Variants in SLC18A2 observed in about 807,000 individuals in gnomAD.
SLC18A2 encodes solute carrier family 18 member A2, also known as synaptic vesicular amine transporter.
SLC18A2 carries 33 observed loss-of-function variants against 59.2 expected under a neutral mutation model. The observed-to-expected ratio is 0.56, with a 90% CI of 0.42 to 0.75. The LOEUF is 0.75. Ranked by LOEUF, SLC18A2 falls within the 30% of genes least tolerant of loss-of-function variation. The probability of loss-of-function intolerance (pLI) is 0.00; values close to 1 mark genes in which losing one functional copy is unlikely to be tolerated. For missense variants in SLC18A2, 569 were observed against 668.6 expected (o/e 0.85, Z 1.64); for synonymous variants, 228 against 253.5 (o/e 0.90, Z 0.95).
At chr10:117,241,284 G>T (rs1358203726) in intron 1 of SLC18A2, 64 bp downstream of exon 1, 1 of 160,348 alleles carries the variant, frequency 6.2e-6, no homozygotes, top group Non-Finnish European at 1.4e-5. Flanking sequence ...CCCGGGGGAG[G>T]CAGGGAGGCA....
In SLC18A2 at chr10:117,278,575, A is replaced by G. The variant is rs1035770494; in HGVS notation, c.*1309A>G. On this transcript the variant is annotated 3_prime_UTR_variant, in exon 16 of 16. Transcript: ENST00000644641. ...GAGTGTGCAGTGTGGAATGTCTCTAATACTACTTGTGAATCCTGCAGTTCT... is the reference window on the plus strand; with the variant it reads ...GAGTGTGCAGTGTGGAATGTCTCTAGTACTACTTGTGAATCCTGCAGTTCT... 6.6e-6 allele frequency: 1 copy of G among 152,176 alleles called. No individual in the cohort carries two copies. The highest frequency in any genetic ancestry group is 2.4e-5 in the African/African-American group (1 of 41,430). The allele number at this position is 152,176 out of a possible 1,614,324, so 9.4% of individuals were successfully genotyped here.
chr10:117,270,551 C>T (rs971171137), intron 15 of SLC18A2, 88 bp downstream of exon 15: 97 of 1,465,540 alleles, frequency 6.6e-5, no homozygotes, highest in Non-Finnish European at 8.6e-5. Context: ...ATTCTAAAGC[C>T]TTCAAACATA....
intron 3 of SLC18A2, among the ~76,000 whole-genome samples, chr10:117,249,215 T>G (rs1316185974): frequency 6.6e-6 from 1 of 152,170 alleles, no homozygotes; most frequent in Non-Finnish European, 1.5e-5. Flanking sequence ...AGGGAGGGCT[T>G]GATGAGTCTT....
Position 117,267,017 on chromosome 10 carries a change from T to G in SLC18A2, c.1104T>G (p.Val368=), listed in dbSNP as rs1354140218. 6.2e-7 allele frequency: 1 copy of G among 1,613,572 alleles called. No homozygotes were observed. The highest frequency in any genetic ancestry group is 8.5e-7 in the Non-Finnish European group (1 of 1,179,866). ...WLCALLGMII[V]GVSILCIPFA... ...GTGCTCTTCTGGGAATGATAATTGT[T>G]GGAGTCAGCATTTTATGTGTGAGTA... Residue 368 remains valine, a synonymous_variant, in exon 12 of 16, where the codon GTT becomes GTG. Coordinates refer to ENST00000644641, the MANE Select transcript of SLC18A2 (RefSeq NM_003054.6).
chr10:117,253,983 T>C lies in SLC18A2; in HGVS notation c.524-65T>C, dbSNP rs363342. 0.051 allele frequency: 75,501 copies of C among 1,472,882 alleles called. 4,877 individuals carry two copies. Among genetic ancestry groups the C allele is most frequent in the African/African-American group, 0.24 (17,387 of 72,248 alleles). The allele number at this position is 1,472,882 out of a possible 1,614,324, so 91.2% of individuals were successfully genotyped here. On this transcript the variant is annotated intron_variant, in intron 4 of 15. Transcript: ENST00000644641. ...GGGTTAAGGGGGGCTTCTGAAACGT[T>C]CCTGTTTGGGACGGTTGTGTCCCAG...
Position 117,270,382 on chromosome 10 carries a change from G to T in SLC18A2, c.1359G>T (p.Met453Ile), listed in dbSNP as rs1408130989. 6.2e-7 allele frequency: 1 copy of T among 1,614,092 alleles called. No individual in the cohort carries two copies. Residue 453 changes from methionine to isoleucine, a missense_variant, in exon 15 of 16, where the codon ATG becomes ATT. Coordinates refer to ENST00000644641, the MANE Select transcript of SLC18A2 (RefSeq NM_003054.6). ...AGGCAATTGGATTTCCATGGCTCATGACAATTATTGGGATAATTGATATTC... is the reference window on the plus strand; with the variant it reads ...AGGCAATTGGATTTCCATGGCTCATTACAATTATTGGGATAATTGATATTC... ...IAKAIGFPWL[M>I]TIIGIIDILF...
chr10:117,270,299 G>A (rs1467096078), intron 14 of SLC18A2, 31 bp from the exon 15 acceptor site: 1 of 1,613,764 alleles, frequency 6.2e-7, no homozygotes, highest in Non-Finnish European at 8.5e-7. Flanking sequence ...ACATTTGGAA[G>A]AGCTTTATCT....
chr10:117,241,603 C>A, intron 1 of SLC18A2, 76 bp from the exon 2 acceptor site: 1 of 1,412,698 alleles, frequency 7.1e-7, no homozygotes, highest in Non-Finnish European at 9.2e-7. Flanking sequence ...CCTGACCCGC[C>A]CTTCCGCGGC....
At chr10:117,268,360 T>C (rs363229) in intron 13 of SLC18A2, 122,606 of 152,292 alleles carry the variant, frequency 0.81, 49,979 homozygotes, top group Non-Finnish European at 0.88. Context: ...TGGCACAGCA[T>C]GGCTTTCACT....
At chr10:117,252,508 A>T (rs1280379442) in intron 3 of SLC18A2, among the ~76,000 whole-genome samples, 7 of 152,142 alleles carry the variant, frequency 4.6e-5, no homozygotes, top group Admixed American at 3.9e-4. Context: ...CTTCCTCTCA[A>T]GGCAGAGGGG....
chr10:117,265,295 G>A (rs1233836752), intron 10 of SLC18A2, among the ~76,000 whole-genome samples: 2 of 152,114 alleles, frequency 1.3e-5, no homozygotes, highest in African/African-American at 2.4e-5. Context: ...GTAGACGTTC[G>A]TGCTTTATCC....
rs759823740 is a variant in SLC18A2, at chr10:117,267,751, C to A, written c.1186+15C>A. 1.4e-5 allele frequency: 21 copies of A among 1,538,916 alleles called. No individual in the cohort carries two copies. The African/African-American group carries it at 2.4e-4, about 18-fold the overall frequency. On this transcript the variant is annotated intron_variant, in intron 13 of 15. Coordinates refer to ENST00000644641, the MANE Select transcript of SLC18A2 (RefSeq NM_003054.6). ...TTTTGCAATTGGTAAGTCACACGAA[C>A]CTTGTGCCTACATTTAAAACCGCTT...
chr10:117,273,971 CTT>C (rs1356697878), intron 15 of SLC18A2, among the ~76,000 whole-genome samples: 2 of 152,144 alleles, frequency 1.3e-5, no homozygotes, highest in Non-Finnish European at 2.9e-5. Flanking sequence ...TTGATTTTCT[CTT>C]TGGTTGAGAG....
At chr10:117,262,805 G>C (rs1844308765) in intron 10 of SLC18A2, among the ~76,000 whole-genome samples, 1 of 152,266 alleles carries the variant, frequency 6.6e-6, no homozygotes, top group Non-Finnish European at 1.5e-5. Context: ...AAAGTATTGG[G>C]ATTACAGGCG....
In SLC18A2 at chr10:117,270,447, C is replaced by A; in HGVS notation, c.1424C>A (p.Ala475Asp). 6.2e-7 allele frequency: 1 copy of A among 1,613,004 alleles called. No individual in the cohort carries two copies. Among genetic ancestry groups the A allele is most frequent in the Non-Finnish European group, 8.5e-7 (1 of 1,179,724 alleles). ...TGCTTTTTTCTTCGAAGTCCACCTGCCAAAGAAGAAAAAATGGTAAGAAAA... is the reference window on the plus strand; with the variant it reads ...TGCTTTTTTCTTCGAAGTCCACCTGACAAAGAAGAAAAAATGGTAAGAAAA... ...PLCFFLRSPP[A>D]KEEKMAILMD... Residue 475 changes from alanine (A) to aspartate (D), a missense_variant, in exon 15 of 16, where the codon GCC becomes GAC. This residue lies in a region of SLC18A2 where 192 missense variants were observed against 278.8 expected (regional missense o/e 0.69). Coordinates refer to ENST00000644641, the MANE Select transcript of SLC18A2 (RefSeq NM_003054.6).
At chr10:117,248,216 C>G (rs1844129101) in intron 3 of SLC18A2, among the ~76,000 whole-genome samples, 1 of 152,320 alleles carries the variant, frequency 6.6e-6, no homozygotes, top group Admixed American at 6.5e-5. Flanking sequence ...CCTCCTGCCT[C>G]AGCCTCTCAA....
chr10:117,278,906 G>A lies in SLC18A2; in HGVS notation c.*1640G>A, dbSNP rs373214014. The A allele has an allele frequency of 5.9e-5, 9 of 152,290 alleles. 1 individual carries two copies. The South Asian group carries it at 1.9e-3, about 32-fold the overall frequency. 9.4% of individuals were successfully genotyped at this position (152,290 alleles called of 1,614,324 possible). A position where few individuals can be genotyped will look rare whatever the true frequency, so the allele number is the denominator to read the frequency against. ...AGGAAACTCTCATATGGCTAAAAAG[G>A]CAGGCTAGTTTCTTACTTCTACAGG... is the stretch of plus-strand genomic sequence containing the variant. On this transcript the variant is annotated 3_prime_UTR_variant, in exon 16 of 16. Transcript: ENST00000644641.
intron 3 of SLC18A2, among the ~76,000 whole-genome samples, chr10:117,246,879 C>T (rs1844115169): frequency 6.6e-6 from 1 of 152,168 alleles, no homozygotes; most frequent in South Asian, 2.1e-4. Flanking sequence ...GTGTCGAACT[C>T]CTGACCTCAG....
intron 2 of SLC18A2, chr10:117,242,057 A>T (rs1398853719): frequency 7.8e-6 from 3 of 385,654 alleles, no homozygotes; most frequent in Admixed American, 4.6e-5. Flanking sequence ...CCCAGAACTT[A>T]TGTTTCCCCC....
Sources: allele counts gnomAD v4.1 joint callset (sites outside exome capture counted in the v4.1 genomes callset), GRCh38; gene constraint gnomAD v4.1.1; regional missense constraint gnomAD v4.1.1; transcripts MANE v1.5; gene names NCBI Gene and HGNC (gene_info 2026-07-23, HGNC 2026-07-21).